The following FCHSD2 variants were observed in gnomAD, a reference collection of about 807,000 sequenced individuals.
The protein encoded by FCHSD2 is FCH and double SH3 domains 2.
FCHSD2 carries 38 observed loss-of-function variants against 108.1 expected under a neutral mutation model. The observed-to-expected ratio is 0.35, with a 90% CI of 0.27 to 0.46. The LOEUF (loss-of-function observed/expected upper bound fraction) is 0.46, where lower values mean the gene tolerates loss of function less well. FCHSD2 is among the 20% of genes least tolerant of loss of function. The pLI, the probability that FCHSD2 is intolerant of heterozygous loss-of-function variation, is 1.00. For missense variants in FCHSD2, 751 were observed against 897.8 expected (o/e 0.84, Z 2.09); for synonymous variants, 279 against 314.7 (o/e 0.89, Z 1.20).
chr11:72,859,093 A>G (rs1485339090), intron 13 of FCHSD2, among the ~76,000 whole-genome samples: 1 of 152,218 alleles, frequency 6.6e-6, no homozygotes, highest in Non-Finnish European at 1.5e-5. Flanking sequence ...GCCAAAGTGG[A>G]GAGAGCTCAG....
Position 73,054,255 on chromosome 11 carries a change from T to C in FCHSD2, c.165+29440A>G, listed in dbSNP as rs920668981. On this transcript the variant is annotated intron_variant, in intron 3 of 19. Transcript: ENST00000409418. ...AAAAAAAGTTTGCCAATCTCTGCTC[T>C]GGATGGTTGAACATAACCCACTGGA... is the stretch of plus-strand genomic sequence containing the variant. 3.3e-5 allele frequency among the ~76,000 whole-genome samples: 5 copies of C among 152,244 alleles called. No homozygotes were observed. The South Asian group carries it at 6.2e-4, about 19-fold the overall frequency.
intron 8 of FCHSD2, among the ~76,000 whole-genome samples, chr11:72,976,869 A>G (rs1206092703): frequency 1.3e-5 from 2 of 152,122 alleles, no homozygotes; most frequent in African/African-American, 4.8e-5. Flanking sequence ...CTCTCACCAT[A>G]TACAAAAATC....
intron 2 of FCHSD2, among the ~76,000 whole-genome samples, chr11:73,093,704 C>A (rs1366491833): frequency 1.3e-5 from 2 of 151,598 alleles, no homozygotes; most frequent in Admixed American, 6.6e-5. Context: ...CGGGTTCAAG[C>A]GATTCTCCTG....
At chr11:73,046,576 A>G (rs1338457997) in intron 3 of FCHSD2, among the ~76,000 whole-genome samples, 1 of 152,188 alleles carries the variant, frequency 6.6e-6, no homozygotes, top group Non-Finnish European at 1.5e-5. Context: ...AGCATTTTAA[A>G]TTTTTATTAG....
intron 4 of FCHSD2, among the ~76,000 whole-genome samples, chr11:73,009,156 A>T (rs1005954153): frequency 3.3e-5 from 5 of 152,212 alleles, no homozygotes; most frequent in Non-Finnish European, 7.3e-5. Flanking sequence ...TAAAAGACTG[A>T]TTACATGCAC....
intron 2 of FCHSD2, among the ~76,000 whole-genome samples, chr11:73,134,170 C>A (rs1182188509): frequency 6.6e-6 from 1 of 151,768 alleles, no homozygotes; most frequent in Non-Finnish European, 1.5e-5. Flanking sequence ...GTCTCTGAGA[C>A]ACTGAAAAAA....
chr11:73,018,638 T>G (rs962736091), intron 3 of FCHSD2, among the ~76,000 whole-genome samples: 1 of 152,098 alleles, frequency 6.6e-6, no homozygotes, highest in African/African-American at 2.4e-5. Context: ...CTGTTTCTAA[T>G]GTATAGTGCC....
chr11:73,000,935 T>C (rs1857613455), intron 5 of FCHSD2, 55 bp downstream of exon 5: 2 of 1,458,382 alleles, frequency 1.4e-6, no homozygotes, highest in South Asian at 1.3e-5. Context: ...TTGCAGATTA[T>C]AAATGTAGCA....
At chr11:73,139,293 T>C (rs931369670) in intron 2 of FCHSD2, among the ~76,000 whole-genome samples, 12 of 152,214 alleles carry the variant, frequency 7.9e-5, no homozygotes, top group Non-Finnish European at 1.8e-4. Flanking sequence ...GATAAATGTA[T>C]TATACAAGGG....
chr11:72,920,128 T>C (rs1204297385), intron 9 of FCHSD2, among the ~76,000 whole-genome samples: 1 of 151,770 alleles, frequency 6.6e-6, no homozygotes, highest in African/African-American at 2.4e-5. Context: ...ATAATGAATA[T>C]AAAGGCAAAA....
intron 2 of FCHSD2, among the ~76,000 whole-genome samples, chr11:73,090,789 A>C (rs1465498761): frequency 6.6e-6 from 1 of 152,222 alleles, no homozygotes; most frequent in Non-Finnish European, 1.5e-5. Flanking sequence ...CATAATATAC[A>C]ATCAACTGTT....
At chr11:73,119,416 T>C (rs1860680973) in intron 2 of FCHSD2, among the ~76,000 whole-genome samples, 4 of 152,218 alleles carry the variant, frequency 2.6e-5, no homozygotes, top group Admixed American at 2.6e-4. Context: ...TTTTATGTGC[T>C]TAATATATCC....
intron 2 of FCHSD2, among the ~76,000 whole-genome samples, chr11:73,088,340 T>TA (rs1859872441): frequency 6.6e-6 from 1 of 152,176 alleles, no homozygotes; most frequent in South Asian, 2.1e-4. Flanking sequence ...CTTAGGTGTG[T>TA]AGTAGGCTAT....
At chr11:73,059,824 C>T (rs955456157) in intron 3 of FCHSD2, among the ~76,000 whole-genome samples, 1 of 151,980 alleles carries the variant, frequency 6.6e-6, no homozygotes, top group African/African-American at 2.4e-5. Context: ...GGTTAAGGAA[C>T]AGACAACAGT....
chr11:73,035,678 A>G (rs545310548), intron 3 of FCHSD2, among the ~76,000 whole-genome samples: 5 of 151,138 alleles, frequency 3.3e-5, no homozygotes, highest in African/African-American at 1.2e-4. Context: ...AGTACTGAAC[A>G]GTACTGAAAT....
chr11:73,031,375 C>T (rs1858356257), intron 3 of FCHSD2, among the ~76,000 whole-genome samples: 1 of 151,668 alleles, frequency 6.6e-6, no homozygotes, highest in Non-Finnish European at 1.5e-5. Flanking sequence ...ACTCGGGAGG[C>T]TGAGGTGGGA....
chr11:73,038,358 A>G (rs1455509645), intron 3 of FCHSD2, among the ~76,000 whole-genome samples: 1 of 151,880 alleles, frequency 6.6e-6, no homozygotes, highest in Non-Finnish European at 1.5e-5. Context: ...AAAAAAAAAA[A>G]AAAAGGAAAA....
At chr11:73,125,126 A>T (rs751795535) in intron 2 of FCHSD2, among the ~76,000 whole-genome samples, 5 of 152,246 alleles carry the variant, frequency 3.3e-5, no homozygotes, top group Non-Finnish European at 5.9e-5. Context: ...ATTGCACCAG[A>T]AATGCTGAAG....
intron 8 of FCHSD2, among the ~76,000 whole-genome samples, chr11:72,930,279 A>AC (rs1565327926): frequency 6.6e-6 from 1 of 152,168 alleles, no homozygotes; most frequent in Non-Finnish European, 1.5e-5. Flanking sequence ...TCTAAGACTA[A>AC]CTACCCACTG....
Sources: allele counts gnomAD v4.1 joint callset (sites outside exome capture counted in the v4.1 genomes callset), GRCh38; gene constraint gnomAD v4.1.1; transcripts MANE v1.5; gene names NCBI Gene and HGNC (gene_info 2026-07-23, HGNC 2026-07-21).